METTL15: variants seen among roughly 807,000 people sequenced by gnomAD.
METTL15 encodes the protein methyltransferase 15, mitochondrial 12S rRNA N4-cytidine.
Under a neutral mutation model 38.3 loss-of-function variants are expected in METTL15, and 34 were observed. The observed-to-expected ratio is 0.89, with a 90% CI of 0.68 to 1.18. The LOEUF is 1.18. METTL15 is among the 50% of genes most tolerant of loss of function. The probability of loss-of-function intolerance (pLI) is 0.00; values close to 1 mark genes in which losing one functional copy is unlikely to be tolerated. For synonymous variants in METTL15, 162 were observed against 170.9 expected (o/e 0.95, Z 0.41); for missense variants, 438 against 498.4 (o/e 0.88, Z 1.15).
intron 4 of METTL15, among the ~76,000 whole-genome samples, chr11:28,227,076 T>C (rs573864301): frequency 2.3e-4 from 35 of 152,020 alleles, no homozygotes; most frequent in African/African-American, 6.7e-4. Flanking sequence ...GCTCAGGAGA[T>C]GTTAGCCTTG....
At chr11:28,175,282 T>C (rs1236129225) in intron 3 of METTL15, among the ~76,000 whole-genome samples, 5 of 62,096 alleles carry the variant, frequency 8.1e-5, no homozygotes, top group Admixed American at 5.8e-4. Context: ...TGAACTCATC[T>C]TTTTTTATGG....
At chr11:28,238,066 C>A (rs992056596) in intron 4 of METTL15, among the ~76,000 whole-genome samples, 3 of 152,206 alleles carry the variant, frequency 2.0e-5, no homozygotes, top group African/African-American at 7.2e-5. Context: ...CAGGGACCCA[C>A]TTGAGGAGGC....
At chr11:28,226,771 A>G (rs966949654) in intron 4 of METTL15, among the ~76,000 whole-genome samples, 1 of 151,960 alleles carries the variant, frequency 6.6e-6, no homozygotes, top group East Asian at 1.9e-4. Context: ...ATAAAAGAAT[A>G]CATGCTCTTA....
At chr11:28,531,630 A>C (rs1326045002), downstream of METTL15, among the ~76,000 whole-genome samples, 1 of 152,116 alleles carries the variant, frequency 6.6e-6, no homozygotes, top group Non-Finnish European at 1.5e-5. Flanking sequence ...ACACTAAGTT[A>C]GATGGTATTG....
At chr11:28,293,532 G>A (rs1274842923) in intron 5 of METTL15, among the ~76,000 whole-genome samples, 4 of 152,092 alleles carry the variant, frequency 2.6e-5, no homozygotes, top group Non-Finnish European at 5.9e-5. Flanking sequence ...TTGACTTGGT[G>A]ATGCAGGCTC....
intron 3 of METTL15, among the ~76,000 whole-genome samples, chr11:28,115,210 A>G (rs572480801): frequency 2.0e-5 from 3 of 151,956 alleles, no homozygotes; most frequent in Admixed American, 1.3e-4. Context: ...TTGACCAGAA[A>G]CCTTGCTGAA....
chr11:28,342,290 G>A (rs189922551), intron 3 of METTL15, among the ~76,000 whole-genome samples: 4 of 151,936 alleles, frequency 2.6e-5, no homozygotes, highest in Non-Finnish European at 5.9e-5. Flanking sequence ...GTGATACAGG[G>A]TCTTGCTCTA....
chr11:28,458,932 C>G (rs1456619050), intron 6 of METTL15, among the ~76,000 whole-genome samples: 1 of 152,144 alleles, frequency 6.6e-6, no homozygotes, highest in East Asian at 1.9e-4. Context: ...TTTTTGTTCT[C>G]CCTAAGACTG....
intron 3 of METTL15, among the ~76,000 whole-genome samples, chr11:28,199,823 A>C (rs1565159922): frequency 6.6e-6 from 1 of 150,952 alleles, no homozygotes; most frequent in East Asian, 2.0e-4. Flanking sequence ...GCTCACTGCA[A>C]CCTCCTCCTC....
At chr11:28,334,003 TA>T, downstream of METTL15, among the ~76,000 whole-genome samples, 1 of 152,030 alleles carries the variant, frequency 6.6e-6, no homozygotes, top group South Asian at 2.1e-4. Context: ...TGCAGACTTT[TA>T]AAAAATAATT....
At chr11:28,380,597 A>G (rs1424899683) in intron 5 of METTL15, among the ~76,000 whole-genome samples, 1 of 152,070 alleles carries the variant, frequency 6.6e-6, no homozygotes, top group Non-Finnish European at 1.5e-5. Context: ...CTCTAGCAGC[A>G]TGTTTTAATT....
intron 3 of METTL15, among the ~76,000 whole-genome samples, chr11:28,176,393 T>C (rs1416967775): frequency 6.6e-6 from 1 of 152,174 alleles, no homozygotes; most frequent in Non-Finnish European, 1.5e-5. Context: ...AAAGCCTGAC[T>C]CTGGAACCAC....
At chr11:28,397,721 C>T (rs1175609102) in intron 5 of METTL15, among the ~76,000 whole-genome samples, 1 of 152,072 alleles carries the variant, frequency 6.6e-6, no homozygotes, top group Non-Finnish European at 1.5e-5. Flanking sequence ...CCATTTGACC[C>T]AGCCATCCTA....
chr11:28,204,718 T>A (rs1187115120), intron 3 of METTL15, among the ~76,000 whole-genome samples: 1 of 151,938 alleles, frequency 6.6e-6, no homozygotes, highest in African/African-American at 2.4e-5. Flanking sequence ...TAATGACATC[T>A]CCTTCATGAT....
intron 5 of METTL15, among the ~76,000 whole-genome samples, chr11:28,364,363 G>A (rs1021094093): frequency 3.3e-5 from 5 of 152,130 alleles, no homozygotes; most frequent in African/African-American, 1.2e-4. Context: ...TCTTTCAGCA[G>A]TGTTTTGTAG....
chr11:28,486,544 T>C (rs1317779325), intron 6 of METTL15, among the ~76,000 whole-genome samples: 1 of 152,166 alleles, frequency 6.6e-6, no homozygotes, highest in Non-Finnish European at 1.5e-5. Flanking sequence ...ATGTTTCTGT[T>C]TAGCCTGATG....
intron 3 of METTL15, among the ~76,000 whole-genome samples, chr11:28,119,269 C>G (rs1852105552): frequency 1.3e-5 from 2 of 152,170 alleles, no homozygotes; most frequent in Admixed American, 1.3e-4. Context: ...ACATATTTGT[C>G]TTGCTTACCA....
At chr11:28,327,945 A>G in intron 6 of METTL15, 1 of 678,598 alleles carries the variant, frequency 1.5e-6, no homozygotes, top group East Asian at 3.2e-5. Flanking sequence ...TTGAACCATC[A>G]TTTTAATTTC....
intron 5 of METTL15, among the ~76,000 whole-genome samples, chr11:28,376,696 G>A (rs556570921): frequency 1.6e-3 from 245 of 151,546 alleles, no homozygotes; most frequent in African/African-American, 5.4e-3. Flanking sequence ...ATTTGATCCT[G>A]TCATTATGAT....
Sources: gnomAD v4.1 joint callset for allele counts (sites outside exome capture counted in the v4.1 genomes callset) on GRCh38, gnomAD v4.1.1 for gene constraint, MANE v1.5 for transcripts, NCBI Gene and HGNC (gene_info 2026-07-23, HGNC 2026-07-21) for gene names.